G2E3: variants seen among roughly 807,000 people sequenced by gnomAD.
The protein encoded by G2E3 is G2/M phase-specific E3 ubiquitin-protein ligase.
G2E3 carries 35 observed loss-of-function variants against 92.8 expected under a neutral mutation model. That is an observed-to-expected ratio of 0.38 (90% CI 0.29 to 0.50). The LOEUF (loss-of-function observed/expected upper bound fraction) is 0.50. Ranked by LOEUF, G2E3 falls within the 20% of genes least tolerant of loss-of-function variation. G2E3 has a pLI of 0.94. For missense variants in G2E3, 554 were observed against 823.8 expected (o/e 0.67, Z 4.01); for synonymous variants, 242 against 272.4 (o/e 0.89, Z 1.10).
intron 1 of G2E3, among the ~76,000 whole-genome samples, chr14:30,563,258 G>T (rs947237771): frequency 6.6e-6 from 1 of 151,238 alleles, no homozygotes; most frequent in Non-Finnish European, 1.5e-5. Context: ...TTCTTTTTCC[G>T]TTTGATCACT....
chr14:30,580,253 C>G (rs1880356095), intron 1 of G2E3, among the ~76,000 whole-genome samples: 1 of 152,094 alleles, frequency 6.6e-6, no homozygotes, highest in Non-Finnish European at 1.5e-5. Flanking sequence ...GTTGCCCAAG[C>G]TAGAGTGCAA....
chr14:30,594,530 A>G (rs949813910), intron 6 of G2E3, among the ~76,000 whole-genome samples: 13 of 151,850 alleles, frequency 8.6e-5, no homozygotes, highest in Non-Finnish European at 1.9e-4. Context: ...TCTACTAAAA[A>G]TACAAAAAAA....
At chr14:30,571,532 G>T (rs1879761666) in intron 1 of G2E3, among the ~76,000 whole-genome samples, 2 of 151,938 alleles carry the variant, frequency 1.3e-5, no homozygotes, top group South Asian at 4.2e-4. Context: ...AGATCATGAA[G>T]ATTCTTCACT....
At chr14:30,581,007 C>T in intron 1 of G2E3, 69 bp from the exon 2 acceptor site, 1 of 823,894 alleles carries the variant, frequency 1.2e-6, no homozygotes. Context: ...GCATTGACTG[C>T]AAGTAATAAA....
intron 1 of G2E3, among the ~76,000 whole-genome samples, chr14:30,574,057 A>G (rs1437956876): frequency 6.6e-6 from 1 of 152,200 alleles, no homozygotes; most frequent in African/African-American, 2.4e-5. Flanking sequence ...AAAGAACTAC[A>G]TATGCCCTTA....
At chr14:30,580,420 G>T (rs1318245165) in intron 1 of G2E3, among the ~76,000 whole-genome samples, 4 of 152,082 alleles carry the variant, frequency 2.6e-5, no homozygotes, top group African/African-American at 9.7e-5. Flanking sequence ...TAGCCAGGCT[G>T]GTCTCGAACT....
Position 30,617,984 on chromosome 14 carries a change from A to C in G2E3, c.*1450A>C, listed in dbSNP as rs1399060729. 6.6e-6 allele frequency: 1 copy of C among 151,988 alleles called. No individual in the cohort carries two copies. Among genetic ancestry groups the C allele is most frequent in the Non-Finnish European group, 1.5e-5 (1 of 67,920 alleles). The allele number at this position is 151,988 out of a possible 1,614,324, so 9.4% of individuals were successfully genotyped here. On this transcript the variant is annotated 3_prime_UTR_variant, in exon 15 of 15. Transcript: ENST00000206595. ...TAACCATATTTTTCTTAATACACAA[A>C]GCAGGTGTCAGCTGTTGTATTCTCA...
intron 1 of G2E3, among the ~76,000 whole-genome samples, chr14:30,580,075 A>G (rs1880343009): frequency 6.6e-6 from 1 of 152,192 alleles, no homozygotes; most frequent in South Asian, 2.1e-4. Flanking sequence ...GTCTTTCAGT[A>G]TGTAAATGGT....
chr14:30,577,262 G>C (rs183841461), intron 1 of G2E3, among the ~76,000 whole-genome samples: 60 of 151,458 alleles, frequency 4.0e-4, no homozygotes, highest in African/African-American at 1.2e-3. Flanking sequence ...AAAAATGTTG[G>C]GTGGTTAGGA....
At chr14:30,604,694 T>A (rs893342974) in intron 10 of G2E3, among the ~76,000 whole-genome samples, 5 of 152,236 alleles carry the variant, frequency 3.3e-5, no homozygotes, top group African/African-American at 1.2e-4. Flanking sequence ...TTAGCTCTAC[T>A]GTTAATTATG....
intron 1 of G2E3, among the ~76,000 whole-genome samples, chr14:30,568,658 T>A (rs1046021679): frequency 1.3e-5 from 2 of 152,180 alleles, no homozygotes; most frequent in Admixed American, 1.3e-4. Flanking sequence ...GCTTTCATAG[T>A]ATACAAAAAT....
intron 1 of G2E3, chr14:30,559,645 A>G (rs1243050841): frequency 6.6e-6 from 1 of 152,174 alleles, no homozygotes; most frequent in African/African-American, 2.4e-5. Flanking sequence ...CTCACTGTGA[A>G]GGCGTTGCCA....
chr14:30,605,739 C>T lies in G2E3; in HGVS notation c.1245C>T (p.Leu415=). The T allele has an allele frequency of 6.2e-7, 1 of 1,607,186 alleles. No homozygotes were observed. The highest frequency in any genetic ancestry group is 8.5e-7 in the Non-Finnish European group (1 of 1,176,270). The change falls in exon 11 of 15, where the codon CTC becomes CTT. Residue 415 remains leucine, a synonymous_variant. Transcript: ENST00000206595. ...HPGSKQEFLS[L]LMQHLENSSL... The stretch of plus-strand genomic sequence containing the variant: ...GATCAAAGCAAGAATTTCTGAGTCT[C>T]TTAATGCAACATCTTGAGAACTCAT...
At chr14:30,597,610 A>G (rs1249465536) in intron 7 of G2E3, 84 bp downstream of exon 7, 2 of 799,778 alleles carry the variant, frequency 2.5e-6, no homozygotes, top group East Asian at 4.9e-5. Context: ...CTTATGTCTG[A>G]TTCAGTGAGC....
intron 5 of G2E3, 152 bp downstream of exon 5, chr14:30,592,599 T>C (rs927184766): frequency 1.9e-6 from 1 of 540,472 alleles, no homozygotes; most frequent in Non-Finnish European, 3.1e-6. Flanking sequence ...CCCACCCTTA[T>C]GGGGTCATTT....
chr14:30,605,559 C>T lies in G2E3; in HGVS notation c.1065C>T (p.Phe355=). The T allele has an allele frequency of 6.7e-7, 1 of 1,493,286 alleles. No homozygotes were observed. The highest frequency in any genetic ancestry group is 9.2e-7 in the Non-Finnish European group (1 of 1,087,442). The allele number at this position is 1,493,286 out of a possible 1,614,324, so 92.5% of individuals were successfully genotyped here. ...NVSTLLIELG[F]QIKKKTKRLY... ...CAACACTATTAATAGAGTTAGGATT[C>T]CAAATTAAAAAAAAAACTAAAAGAT... The change falls in exon 11 of 15, where the codon TTC becomes TTT. Residue 355 remains phenylalanine (F), a synonymous_variant. Transcript: ENST00000206595.
At chr14:30,609,381 G>C (rs925100953) in intron 12 of G2E3, among the ~76,000 whole-genome samples, 3 of 152,058 alleles carry the variant, frequency 2.0e-5, no homozygotes, top group Admixed American at 1.3e-4. Flanking sequence ...ATGTCCAAAG[G>C]CCTTTTCTAA....
At chr14:30,585,632 T>A (rs1331814507) in intron 2 of G2E3, among the ~76,000 whole-genome samples, 2 of 151,894 alleles carry the variant, frequency 1.3e-5, no homozygotes, top group African/African-American at 4.8e-5. Flanking sequence ...GTTTTGTTGA[T>A]CTTTAAAAAG....
intron 7 of G2E3, chr14:30,598,275 A>G: frequency 7.4e-6 from 3 of 406,120 alleles, no homozygotes; most frequent in Admixed American, 7.2e-5. Context: ...AATCCCAGCT[A>G]CTTGGGAGGC....
Sources: gnomAD v4.1 joint callset for allele counts (sites outside exome capture counted in the v4.1 genomes callset) on GRCh38, gnomAD v4.1.1 for gene constraint, MANE v1.5 for transcripts, NCBI Gene and HGNC (gene_info 2026-07-23, HGNC 2026-07-21) for gene names.